The following FAM135B variants were observed in gnomAD, a reference collection of about 807,000 sequenced individuals.
FAM135B encodes protein FAM135B.
In FAM135B, 43 loss-of-function variants were observed where a neutral mutation model predicts 127.7. The ratio of observed to expected loss-of-function variants is 0.34; its 90% confidence interval spans 0.26 to 0.43. The LOEUF (loss-of-function observed/expected upper bound fraction) is 0.43, where lower values mean the gene tolerates loss of function less well. FAM135B is among the 20% of genes least tolerant of loss of function. The pLI, the probability that FAM135B is intolerant of heterozygous loss-of-function variation, is 1.00. For missense variants in FAM135B, 1,558 were observed against 1,725.6 expected, an observed-to-expected ratio of 0.90 and a Z score of 1.72; for synonymous variants, 670 against 665.1, an observed-to-expected ratio of 1.01 and a Z score of -0.11.
intron 2 of FAM135B, among the ~76,000 whole-genome samples, chr8:138,319,395 C>A (rs1216874148): frequency 2.6e-5 from 4 of 152,218 alleles, no homozygotes; most frequent in African/African-American, 7.2e-5. Context: ...GCGAGAGCCA[C>A]TGGCCCGGCC....
At chr8:138,282,591 T>C (rs1277073193) in intron 3 of FAM135B, among the ~76,000 whole-genome samples, 1 of 152,204 alleles carries the variant, frequency 6.6e-6, no homozygotes, top group Non-Finnish European at 1.5e-5. Context: ...TTCCACATCA[T>C]ATGTCATCAG....
chr8:138,138,970 G>A lies in FAM135B; in HGVS notation c.3901+16C>T, dbSNP rs371299779. On this transcript the variant is annotated intron_variant, in intron 18 of 19. Coordinates refer to ENST00000395297, the MANE Select transcript of FAM135B (RefSeq NM_015912.4). ...AGCTCAAACTCATAACTGCAGCTGT[G>A]GGGGAAACCACTGACCTGTTTTTTG... is the stretch of plus-strand genomic sequence containing the variant. The A allele has an allele frequency of 1.5e-5, 23 of 1,504,318 alleles. No homozygotes were observed. Among genetic ancestry groups the A allele is most frequent in the Non-Finnish European group, 2.0e-5 (22 of 1,080,316 alleles). 93.2% of individuals were successfully genotyped at this position (1,504,318 alleles called of 1,614,324 possible).
intron 3 of FAM135B, among the ~76,000 whole-genome samples, chr8:138,294,052 A>G (rs1425325961): frequency 6.6e-6 from 1 of 152,208 alleles, no homozygotes; most frequent in East Asian, 1.9e-4. Flanking sequence ...CACACCATGG[A>G]ATACTACTCA....
chr8:138,332,564 C>T (rs1182227792), intron 2 of FAM135B, among the ~76,000 whole-genome samples: 1 of 152,054 alleles, frequency 6.6e-6, no homozygotes, highest in Non-Finnish European at 1.5e-5. Flanking sequence ...CTCTTCCTCA[C>T]TACCCCTCCA....
rs1563768057 is a variant in FAM135B, at chr8:138,206,099, T to C, written c.670-8430A>G. Among the ~76,000 whole-genome samples, 4 of 139,084 alleles carry C rather than the reference T, an allele frequency of 2.9e-5. No individual in the cohort carries two copies. The Admixed American group carries it at 3.0e-4, about 11-fold the overall frequency. 91.2% of individuals were successfully genotyped at this position (139,084 alleles called of 152,430 possible). A position where few individuals can be genotyped will look rare whatever the true frequency, so the allele number is the denominator to read the frequency against. The stretch of plus-strand genomic sequence containing the variant: ...AGCATCCTCTCCACATACCCAGGGC[T>C]CCAGCATCACCTCCACCTACACACA... On this transcript the variant is annotated intron_variant, in intron 7 of 19. Transcript: ENST00000395297.
chr8:138,277,607 T>A lies in FAM135B; in HGVS notation c.158-11765A>T, dbSNP rs193281929. On this transcript the variant is annotated intron_variant, in intron 3 of 19. Coordinates refer to ENST00000395297, the MANE Select transcript of FAM135B (RefSeq NM_015912.4). ...TAGCTCGAGTCAACAATTGGACCAG[T>A]CTCAGGCATAGCCAGTGTATGGTAA... Among the ~76,000 whole-genome samples the A allele has an allele frequency of 1.8e-3, 273 of 152,304 alleles. 3 individuals are homozygous for A. Among genetic ancestry groups the A allele is most frequent in the South Asian group, 0.014 (67 of 4,822 alleles).
At chr8:138,483,698 A>G (rs996709987) in intron 1 of FAM135B, among the ~76,000 whole-genome samples, 9 of 152,206 alleles carry the variant, frequency 5.9e-5, no homozygotes, top group Non-Finnish European at 1.5e-5. Flanking sequence ...CAGGACCCCA[A>G]AAATACTTGC....
intron 1 of FAM135B, among the ~76,000 whole-genome samples, chr8:138,429,671 T>G (rs185928507): frequency 6.6e-6 from 1 of 152,332 alleles, no homozygotes; most frequent in East Asian, 1.9e-4. Flanking sequence ...ATATGATGAC[T>G]GTGTTTTGTC....
intron 1 of FAM135B, among the ~76,000 whole-genome samples, chr8:138,482,591 C>T (rs949173932): frequency 6.6e-6 from 1 of 152,108 alleles, no homozygotes; most frequent in African/African-American, 2.4e-5. Flanking sequence ...CAGTAGCTTA[C>T]ACTTCCTAGT....
At chr8:138,332,629 TGAG>T (rs1181754215) in intron 2 of FAM135B, among the ~76,000 whole-genome samples, 1 of 151,410 alleles carries the variant, frequency 6.6e-6, no homozygotes, top group Admixed American at 6.6e-5. Flanking sequence ...CTGTGACAGG[TGAG>T]GAGAAACCCG....
At chr8:138,495,094 C>T (rs912522800) in intron 1 of FAM135B, among the ~76,000 whole-genome samples, 2 of 152,188 alleles carry the variant, frequency 1.3e-5, no homozygotes, top group African/African-American at 2.4e-5. Context: ...TAATGATTTG[C>T]CAATCTGAGG....
intron 1 of FAM135B, among the ~76,000 whole-genome samples, chr8:138,390,195 G>A (rs951709185): frequency 2.6e-5 from 4 of 152,178 alleles, no homozygotes; most frequent in South Asian, 4.2e-4. Flanking sequence ...GATATCGCCC[G>A]GCCTTGTCCC....
intron 1 of FAM135B, among the ~76,000 whole-genome samples, chr8:138,435,054 T>C (rs1835385756): frequency 6.6e-6 from 1 of 152,210 alleles, no homozygotes; most frequent in South Asian, 2.1e-4. Context: ...GCGCCTGTAA[T>C]CCCAGCACTT....
At position 138,132,445 on chromosome 8, in the gene FAM135B, G is replaced by C; in HGVS notation, c.*148C>G. 3.0e-6 allele frequency: 2 copies of C among 665,406 alleles called. No individual in the cohort carries two copies. The highest frequency in any genetic ancestry group is 5.3e-6 in the Non-Finnish European group (2 of 379,990). The allele number at this position is 665,406 out of a possible 1,614,324, so 41.2% of individuals were successfully genotyped here. A position where few individuals can be genotyped will look rare whatever the true frequency, so the allele number is the denominator to read the frequency against. On this transcript the variant is annotated 3_prime_UTR_variant, in exon 20 of 20. Coordinates refer to ENST00000395297, the MANE Select transcript of FAM135B (RefSeq NM_015912.4). This position sits in a 1 kb window ranked among gnomAD's most constrained non-coding sequence, Gnocchi z 4.5. ...GCTTTCTCGAATCTCCAAAACAAAA[G>C]CACCTCTCATGTCAGGTTCCACCCG...
At chr8:138,476,439 C>T (rs992700681) in intron 1 of FAM135B, among the ~76,000 whole-genome samples, 1 of 149,170 alleles carries the variant, frequency 6.7e-6, no homozygotes, top group Non-Finnish European at 1.5e-5. Context: ...TGATGAGGGG[C>T]TGTGCATGTA....
At chr8:138,348,594 T>C (rs192173976) in intron 2 of FAM135B, among the ~76,000 whole-genome samples, 17 of 152,318 alleles carry the variant, frequency 1.1e-4, no homozygotes, top group Admixed American at 9.8e-4. Context: ...TATTAACACA[T>C]CTTCTTCTGG....
chr8:138,398,068 T>C (rs541865131), intron 1 of FAM135B, among the ~76,000 whole-genome samples: 2 of 152,280 alleles, frequency 1.3e-5, no homozygotes, highest in East Asian at 1.9e-4. Context: ...CCAGATGATA[T>C]AGACACAGAG....
chr8:138,215,299 A>G (rs894503514), intron 7 of FAM135B, among the ~76,000 whole-genome samples: 4 of 152,232 alleles, frequency 2.6e-5, no homozygotes, highest in Non-Finnish European at 5.9e-5. Flanking sequence ...AGCAAATTAG[A>G]TAACGTGTGC....
In FAM135B at chr8:138,141,666, C is replaced by T. The variant is rs1420481700; in HGVS notation, c.3639-317G>A. 6.6e-6 allele frequency among the ~76,000 whole-genome samples: 1 copy of T among 152,144 alleles called. No homozygotes were observed. Among genetic ancestry groups the T allele is most frequent in the Non-Finnish European group, 1.5e-5 (1 of 68,032 alleles). On this transcript the variant is annotated intron_variant, in intron 16 of 19. Coordinates refer to ENST00000395297, the MANE Select transcript of FAM135B (RefSeq NM_015912.4). The surrounding 1 kb of genome is among the most constrained non-coding windows in gnomAD (Gnocchi z 4.7). ...GGAAGGGAAGGTCCTTCCTGAAATG[C>T]ACCTCTGAGCATTGAAATCTCCTGG... is the stretch of plus-strand genomic sequence containing the variant.
Sources: gnomAD v4.1 joint callset for allele counts (sites outside exome capture counted in the v4.1 genomes callset) on GRCh38, gnomAD v4.1.1 for gene constraint, Gnocchi (gnomAD v3.1) non-coding constraint, MANE v1.5 for transcripts, NCBI Gene and HGNC (gene_info 2026-07-23, HGNC 2026-07-21) for gene names.